Variants in OSGIN2 observed in about 807,000 individuals in gnomAD.
OSGIN2 encodes oxidative stress induced growth inhibitor family member 2, also known as oxidative stress-induced growth inhibitor 2.
Under a neutral mutation model 53.8 loss-of-function variants are expected in OSGIN2, and 19 were observed. The ratio of observed to expected loss-of-function variants is 0.35; its 90% confidence interval spans 0.25 to 0.52. OSGIN2 has a LOEUF of 0.52. Ranked by LOEUF, OSGIN2 falls within the 20% of genes least tolerant of loss-of-function variation. OSGIN2 has a pLI of 0.95. For synonymous variants in OSGIN2, 236 were observed against 236.0 expected (o/e 1.00, Z 0.00); for missense variants, 520 against 662.7 (o/e 0.78, Z 2.36).
intron 5 of OSGIN2, among the ~76,000 whole-genome samples, chr8:89,921,928 G>A (rs1270280585): frequency 3.3e-5 from 5 of 151,614 alleles, no homozygotes; most frequent in East Asian, 1.9e-4. Context: ...GCAGTGAGCC[G>A]AAATCGCGCC....
intron 2 of OSGIN2, among the ~76,000 whole-genome samples, chr8:89,913,615 T>A (rs1281419302): frequency 3.3e-5 from 5 of 152,122 alleles, no homozygotes; most frequent in African/African-American, 1.2e-4. Context: ...TGACAAGATA[T>A]AGGGGGCAAA....
At chr8:89,919,226 C>T (rs1809147006) in intron 4 of OSGIN2, among the ~76,000 whole-genome samples, 1 of 152,138 alleles carries the variant, frequency 6.6e-6, no homozygotes, top group Admixed American at 6.5e-5. Flanking sequence ...CAATAGGATT[C>T]ACAGGACTCA....
At chr8:89,909,862 A>G (rs1395678510) in intron 2 of OSGIN2, 141 bp downstream of exon 2, 1 of 483,220 alleles carries the variant, frequency 2.1e-6, no homozygotes, top group South Asian at 5.4e-5. Context: ...TAATAACCAA[A>G]TCTTTGGAGA....
chr8:89,914,343 T>G (rs1809034133), intron 3 of OSGIN2, 130 bp downstream of exon 3: 9 of 708,282 alleles, frequency 1.3e-5, no homozygotes, highest in Non-Finnish European at 1.8e-5. Context: ...TATTTTAGAT[T>G]CGTAAATGTA....
chr8:89,908,269 A>G (rs553506970), intron 1 of OSGIN2, among the ~76,000 whole-genome samples: 1 of 152,246 alleles, frequency 6.6e-6, no homozygotes, highest in African/African-American at 2.4e-5. Flanking sequence ...TTCCCTTAGT[A>G]GCCATGTCTG....
At chr8:89,915,530 A>G (rs1298237369) in intron 4 of OSGIN2, among the ~76,000 whole-genome samples, 1 of 152,164 alleles carries the variant, frequency 6.6e-6, no homozygotes, top group East Asian at 1.9e-4. Context: ...TGAATTAAGG[A>G]TTCACTCAGT....
rs1717845225 is a variant in OSGIN2, at chr8:89,927,305, A to AG, written c.*1773_*1774insG. 1.3e-5 allele frequency: 2 copies of AG among 151,884 alleles called. No individual in the cohort carries two copies. The highest frequency in any genetic ancestry group is 2.9e-5 in the Non-Finnish European group (2 of 67,960). 9.4% of individuals were successfully genotyped at this position (151,884 alleles called of 1,614,324 possible). A position where few individuals can be genotyped will look rare whatever the true frequency, so the allele number is the denominator to read the frequency against. On this transcript the variant is annotated 3_prime_UTR_variant, in exon 6 of 6. Coordinates refer to ENST00000451899, the MANE Select transcript of OSGIN2 (RefSeq NM_001126111.3). ...ATGAGAGTATTTGTTAAAAAAAAAA[A>AG]AAGACTTCAAGAAAAATAAAAGTTC...
At chr8:89,920,437 T>C (rs1222073880) in intron 4 of OSGIN2, among the ~76,000 whole-genome samples, 1 of 152,134 alleles carries the variant, frequency 6.6e-6, no homozygotes, top group Admixed American at 6.5e-5. Flanking sequence ...TACTTGGCCT[T>C]TGGGCTTTTC....
Position 89,925,335 on chromosome 8 carries a change from G to A in OSGIN2, c.1453G>A (p.Gly485Ser), listed in dbSNP as rs758303708. 1.2e-6 allele frequency: 2 copies of A among 1,613,962 alleles called. No individual in the cohort carries two copies. Among genetic ancestry groups the A allele is most frequent in the African/African-American group, 1.3e-5 (1 of 74,912 alleles). ...GTCAAGCCAGCCAATCACATGTAAG[G>A]GTAATCCTGTGGAAATAGATACATA... is the stretch of plus-strand genomic sequence containing the variant. The part of the protein sequence containing the change: ...HKSSQPITCK[G>S]NPVEIDTYTY... Residue 485 changes from glycine (G) to serine (S), a missense_variant, in exon 6 of 6, where the codon GGT (glycine) becomes AGT (serine). Gly to Ser is a moderately conservative substitution (Grantham distance 56). Transcript: ENST00000451899.
chr8:89,927,723 C>T lies in OSGIN2; in HGVS notation c.*2191C>T, dbSNP rs567596475. 2.0e-5 allele frequency: 3 copies of T among 152,322 alleles called. No homozygotes were observed. The East Asian group carries it at 5.8e-4, about 29-fold the overall frequency. 9.4% of individuals were successfully genotyped at this position (152,322 alleles called of 1,614,324 possible). A position where few individuals can be genotyped will look rare whatever the true frequency, so the allele number is the denominator to read the frequency against. Reference sequence around the variant, plus strand: ...CAACAAAAAGATTTAATTACAGCTTCCAGTGTTTTGACTATGTGAACCATA... The same window carrying T: ...CAACAAAAAGATTTAATTACAGCTTTCAGTGTTTTGACTATGTGAACCATA... On this transcript the variant is annotated 3_prime_UTR_variant, in exon 6 of 6. Transcript: ENST00000451899.
At chr8:89,912,790 G>T (rs1229869120) in intron 2 of OSGIN2, among the ~76,000 whole-genome samples, 1 of 151,892 alleles carries the variant, frequency 6.6e-6, no homozygotes, top group Non-Finnish European at 1.5e-5. Flanking sequence ...GATCCCTCCT[G>T]ATGGCTTGGA....
chr8:89,915,886 G>A (rs1809068584), intron 4 of OSGIN2, among the ~76,000 whole-genome samples: 1 of 152,082 alleles, frequency 6.6e-6, no homozygotes. Flanking sequence ...ATAATGAGTA[G>A]CAACTACCAA....
chr8:89,902,701 C>A lies in OSGIN2; in HGVS notation c.-93C>A. The A allele has an allele frequency of 1.8e-6, 1 of 554,228 alleles. No homozygotes were observed. 34.3% of individuals were successfully genotyped at this position (554,228 alleles called of 1,614,324 possible). ...GGGGCGCCCGGCAGACCCCGCGACC[C>A]CGAGCCAGCGGGCGCCCCGAGCGGG... On this transcript the variant is annotated 5_prime_UTR_variant, in exon 1 of 6. Coordinates refer to ENST00000451899, the MANE Select transcript of OSGIN2 (RefSeq NM_001126111.3).
chr8:89,903,810 C>T (rs1486130397), intron 1 of OSGIN2, among the ~76,000 whole-genome samples: 2 of 152,314 alleles, frequency 1.3e-5, no homozygotes, highest in Non-Finnish European at 2.9e-5. Flanking sequence ...ACTGTTTATA[C>T]TTATTCAAAA....
chr8:89,918,456 A>T (rs943496491), intron 4 of OSGIN2, among the ~76,000 whole-genome samples: 3 of 152,074 alleles, frequency 2.0e-5, no homozygotes, highest in Non-Finnish European at 4.4e-5. Context: ...GTGCCACCAC[A>T]CCCAGCTGAC....
intron 4 of OSGIN2, among the ~76,000 whole-genome samples, chr8:89,915,990 T>C (rs1261600594): frequency 1.3e-5 from 2 of 152,202 alleles, no homozygotes; most frequent in African/African-American, 4.8e-5. Context: ...ATTTAGAGTG[T>C]ATAATTTGAC....
At chr8:89,916,258 T>C (rs1274739967) in intron 4 of OSGIN2, among the ~76,000 whole-genome samples, 2 of 20,560 alleles carry the variant, frequency 9.7e-5, no homozygotes, top group Non-Finnish European at 1.7e-4. Context: ...CTTTCACTTA[T>C]GTATAAAAAA....
Position 89,925,178 on chromosome 8 carries a change from G to A in OSGIN2, c.1296G>A (p.Ser432=), listed in dbSNP as rs773537824. ...FPEHRVLSFK[S]DMKCVLQSVS... ...AGCACCGTGTGCTTTCCTTTAAGTC[G>A]GACATGAAATGTGTTCTCCAAAGCG... is the stretch of plus-strand genomic sequence containing the variant. Residue 432 remains serine (S), a synonymous_variant, in exon 6 of 6, where the codon TCG becomes TCA. Transcript: ENST00000451899. 2.0e-5 allele frequency: 32 copies of A among 1,613,870 alleles called. No individual in the cohort carries two copies. Among genetic ancestry groups the A allele is most frequent in the East Asian group, 4.5e-5 (2 of 44,890 alleles).
intron 1 of OSGIN2, among the ~76,000 whole-genome samples, chr8:89,908,205 G>C (rs1808878650): frequency 6.6e-6 from 1 of 152,200 alleles, no homozygotes; most frequent in Non-Finnish European, 1.5e-5. Context: ...GAAATAGATG[G>C]ATTGAGCATA....
Sources: gnomAD v4.1 joint callset for allele counts (sites outside exome capture counted in the v4.1 genomes callset) on GRCh38, gnomAD v4.1.1 for gene constraint, MANE v1.5 for transcripts, NCBI Gene and HGNC (gene_info 2026-07-23, HGNC 2026-07-21) for gene names.